The following PARP10 variants were observed in gnomAD, a reference collection of about 807,000 sequenced individuals.
PARP10 encodes poly(ADP-ribose) polymerase family member 10.
A neutral mutation model predicts 82.4 loss-of-function variants in PARP10; 56 were observed. The ratio of observed to expected loss-of-function variants is 0.68; its 90% CI spans 0.55 to 0.85. The LOEUF is 0.85. Ranked by LOEUF, PARP10 falls within the 40% of genes least tolerant of loss-of-function variation. The pLI, the probability that PARP10 is intolerant of heterozygous loss-of-function variation, is 0.00. For missense variants in PARP10, 1,227 were observed against 1,379.4 expected, an observed-to-expected ratio of 0.89 and a Z score of 1.75; for synonymous variants, 576 against 601.1, an observed-to-expected ratio of 0.96 and a Z score of 0.61.
chr8:143,985,684 C>A (rs782387437), intron 3 of PARP10, 36 bp from the exon 4 acceptor site: 16 of 1,603,188 alleles, frequency 1.0e-5, no homozygotes, highest in Non-Finnish European at 3.4e-6. Flanking sequence ...AGGGAATCCC[C>A]CCTAGCCAGC....
Position 143,984,619 on chromosome 8 carries a change from G to A in PARP10, c.1383C>T (p.Tyr461=). 1 of 1,614,052 alleles carries A rather than the reference G, an allele frequency of 6.2e-7. No individual in the cohort carries two copies. The highest frequency in any genetic ancestry group is 8.5e-7 in the Non-Finnish European group (1 of 1,179,966). Residue 461 remains tyrosine (Y), a synonymous_variant, in exon 5 of 11, where the codon TAC becomes TAT. Coordinates refer to ENST00000313028, the MANE Select transcript of PARP10 (RefSeq NM_032789.5). Reference sequence around the variant, plus strand: ...CCAGGCCCGCAAGAAGGTCCTCATGGTAGAGCTGCAGGAAGCGCATCGCCC... The same window carrying A: ...CCAGGCCCGCAAGAAGGTCCTCATGATAGAGCTGCAGGAAGCGCATCGCCC... ...EPGAMRFLQL[Y]HEDLLAGLGD...
In PARP10 at chr8:144,011,884, C is replaced by A. The variant is rs1419258067; in HGVS notation, c.-80+646G>T. 6.6e-6 allele frequency among the ~76,000 whole-genome samples: 1 copy of A among 152,080 alleles called. No homozygotes were observed. The highest frequency in any genetic ancestry group is 1.5e-5 in the Non-Finnish European group (1 of 68,028). On this transcript the variant is annotated intron_variant, in intron 1 of 3. Coordinates refer to the PARP10 transcript ENST00000530478. This position sits in a 1 kb window ranked among gnomAD's most constrained non-coding sequence, Gnocchi z 4.5. ...CACCTGGGTCAGAAGAAATCATGGGCGAGTGTCCAGGCCTTCAAGACACAG... is the reference window on the plus strand; with the variant it reads ...CACCTGGGTCAGAAGAAATCATGGGAGAGTGTCCAGGCCTTCAAGACACAG...
intron 1 of PARP10, among the ~76,000 whole-genome samples, chr8:144,007,972 C>T (rs895786645): frequency 3.9e-5 from 6 of 152,166 alleles, no homozygotes; most frequent in South Asian, 2.1e-4. Context: ...GCCTTTTCAT[C>T]GTCTGAAGTG....
Position 143,984,740 on chromosome 8 carries a change from A to C in PARP10, c.1262T>G (p.Met421Arg), listed in dbSNP as rs1554748758. The C allele has an allele frequency of 1.9e-6, 3 of 1,613,358 alleles. No individual in the cohort carries two copies. Among genetic ancestry groups the C allele is most frequent in the African/African-American group, 2.7e-5 (2 of 74,678 alleles). Residue 421 changes from methionine to arginine, a missense_variant, in exon 5 of 11, where the codon ATG becomes AGG. Physicochemically the swap from Met to Arg is moderately conservative, Grantham distance 91. Transcript: ENST00000313028. ...AGGCCCTGCCTTCTCCAGAGACCCC[A>C]TGGTGATCTCCATGGGACCCACCAG... ...EGLVGPMEIT[M>R]GSLEKAGPVS...
At chr8:144,002,908 C>T (rs1036631692) in intron 1 of PARP10, among the ~76,000 whole-genome samples, 6 of 152,144 alleles carry the variant, frequency 3.9e-5, no homozygotes, top group Non-Finnish European at 5.9e-5. Flanking sequence ...TAGACCCCAT[C>T]TCAAAAACAA....
chr8:143,983,006 C>A lies in PARP10; in HGVS notation c.2482G>T (p.Gly828Trp). 1 of 1,613,960 alleles carries A rather than the reference C, an allele frequency of 6.2e-7. No homozygotes were observed. The highest frequency in any genetic ancestry group is 1.7e-4 in the Middle Eastern group (1 of 6,058). Residue 828 changes from glycine to tryptophan, a missense_variant, in exon 9 of 11, where the codon GGG (glycine) becomes TGG (tryptophan). By Grantham distance (184) the Gly-to-Trp change is radical. Transcript: ENST00000313028. ...GCCCGCACCACCTCCTGGAACTCCC[C>A]GGTGTTCTCTGCCAGACGCTCCAGG... is the stretch of plus-strand genomic sequence containing the variant. ...NNLERLAENT[G>W]EFQEVVRAFY... is the part of the protein sequence containing the mutation.
intron 1 of PARP10, among the ~76,000 whole-genome samples, chr8:144,010,616 T>C (rs1834270152): frequency 1.3e-5 from 2 of 152,282 alleles, no homozygotes; most frequent in South Asian, 4.1e-4. Flanking sequence ...AGCTCACACC[T>C]GTAATCCCAG....
chr8:144,012,592 A>T (rs1554752614), exon 1 of PARP10: 3 of 1,551,730 alleles, frequency 1.9e-6, no homozygotes, highest in Non-Finnish European at 1.7e-6. Context: ...GAACTGAAGA[A>T]GTTGGTGCGG....
upstream of PARP10, among the ~76,000 whole-genome samples, chr8:143,994,938 C>T (rs537163477): frequency 7.0e-5 from 10 of 142,646 alleles, no homozygotes; most frequent in Non-Finnish European, 1.1e-4. Flanking sequence ...ATGTGGCTAA[C>T]GAGAACGTCA....
chr8:143,996,139 G>C (rs1174473819), intron 1 of PARP10, among the ~76,000 whole-genome samples: 1 of 152,212 alleles, frequency 6.6e-6, no homozygotes, highest in Non-Finnish European at 1.5e-5. Flanking sequence ...CCCCCACGAT[G>C]AGCAGCCACG....
chr8:143,978,370 C>A (rs553462300), intron 9 of PARP10, among the ~76,000 whole-genome samples: 2 of 152,300 alleles, frequency 1.3e-5, no homozygotes, highest in South Asian at 2.1e-4. Flanking sequence ...AAAGCTGAGC[C>A]AGGGCCCTAT....
At chr8:144,012,348 A>G (rs1554752565) in intron 1 of PARP10, 1 of 621,280 alleles carries the variant, frequency 1.6e-6, no homozygotes, top group Non-Finnish European at 2.9e-6. Context: ...GTTAGAGCAG[A>G]GAGGGCAAGG....
chr8:144,009,438 T>C (rs1409843043), intron 1 of PARP10, among the ~76,000 whole-genome samples: 1 of 152,216 alleles, frequency 6.6e-6, no homozygotes, highest in African/African-American at 2.4e-5. Context: ...GCACTTCTGC[T>C]GTATGTCCTC....
At chr8:143,992,996 C>T (rs1834126851), upstream of PARP10, 4 of 639,414 alleles carry the variant, frequency 6.3e-6, no homozygotes, top group African/African-American at 3.7e-5. Context: ...ATGTACACTG[C>T]AGATACTTCC....
Position 143,984,260 on chromosome 8 carries a change from A to G in PARP10, c.1630T>C (p.Phe544Leu). The change falls in exon 6 of 11, where the codon TTT becomes CTT. Residue 544 changes from phenylalanine to leucine, a missense_variant. Phe to Leu is a conservative substitution (Grantham distance 22). Transcript: ENST00000313028. ...QGLEAQFQCV[F>L]GTERLATATL... ...GCTGTGGCCAGGCGCTCTGTCCCAA[A>G]GACACACTGGAACTGAGCCTCCAGC... is the stretch of plus-strand genomic sequence containing the variant. 6.2e-7 allele frequency: 1 copy of G among 1,614,032 alleles called. No individual in the cohort carries two copies. The highest frequency in any genetic ancestry group is 1.3e-5 in the African/African-American group (1 of 75,034).
intron 1 of PARP10, among the ~76,000 whole-genome samples, chr8:144,005,230 G>A (rs895268833): frequency 1.3e-5 from 2 of 151,874 alleles, no homozygotes; most frequent in East Asian, 1.9e-4. Flanking sequence ...ATCGGGGAGG[G>A]ACCAGCATCC....
chr8:143,991,251 T>A, upstream of PARP10: 1 of 1,573,380 alleles, frequency 6.4e-7, no homozygotes, highest in Non-Finnish European at 8.6e-7. Context: ...TTTTTTGGTG[T>A]CTGGGGACAA....
intron 1 of PARP10, among the ~76,000 whole-genome samples, chr8:143,997,320 G>A (rs1354682708): frequency 3.3e-5 from 5 of 152,044 alleles, no homozygotes; most frequent in Non-Finnish European, 7.4e-5. Context: ...CCCTTTCACT[G>A]CAACTTCCAA....
At chr8:143,988,987 G>A (rs1554750065), upstream of PARP10, 1 of 152,222 alleles carries the variant, frequency 6.6e-6, no homozygotes, top group Non-Finnish European at 1.5e-5. Context: ...GGGAATTTCT[G>A]TGGACTGGTT....
Sources: allele counts gnomAD v4.1 joint callset (sites outside exome capture counted in the v4.1 genomes callset), GRCh38; gene constraint gnomAD v4.1.1; non-coding constraint Gnocchi (gnomAD v3.1); transcripts MANE v1.5; gene names NCBI Gene and HGNC (gene_info 2026-07-23, HGNC 2026-07-21).